PCDHGA12: variants seen among roughly 807,000 people sequenced by gnomAD.
PCDHGA12 encodes protocadherin gamma-A12.
In PCDHGA12, 43 loss-of-function variants were observed where a neutral mutation model predicts 61.1. That is an observed-to-expected ratio of 0.70 (90% CI 0.55 to 0.91). The LOEUF is 0.91. Ranked by LOEUF, PCDHGA12 falls within the 40% of genes least tolerant of loss-of-function variation. PCDHGA12 has a pLI of 0.00. For synonymous variants in PCDHGA12, 520 were observed against 542.9 expected, an observed-to-expected ratio of 0.96 and a Z score of 0.59; for missense variants, 1,236 against 1,227.7, an observed-to-expected ratio of 1.01 and a Z score of -0.10.
chr5:141,437,651 CAT>C (rs1255783396), intron 1 of PCDHGA12, among the ~76,000 whole-genome samples: 2 of 151,990 alleles, frequency 1.3e-5, no homozygotes, highest in Non-Finnish European at 2.9e-5. Context: ...AAAGCAAACA[CAT>C]AGTTTCGAAG....
intron 2 of PCDHGA12, among the ~76,000 whole-genome samples, chr5:141,496,557 C>T (rs190275684): frequency 2.0e-5 from 3 of 152,258 alleles, no homozygotes; most frequent in Admixed American, 1.3e-4. Flanking sequence ...TGGGCATGCA[C>T]AGTCCTGTCA....
At chr5:141,451,127 CT>C (rs1264048458) in intron 1 of PCDHGA12, among the ~76,000 whole-genome samples, 1 of 152,132 alleles carries the variant, frequency 6.6e-6, no homozygotes, top group Non-Finnish European at 1.5e-5. Context: ...CACACCCAGC[CT>C]TATGATTGTA....
intron 2 of PCDHGA12, among the ~76,000 whole-genome samples, chr5:141,502,165 T>C (rs1017904375): frequency 1.8e-4 from 28 of 152,196 alleles, no homozygotes; most frequent in African/African-American, 6.3e-4. Context: ...AGATATTCAG[T>C]TGAGGAATTT....
intron 3 of PCDHGA12, 46 bp downstream of exon 3, chr5:141,505,527 T>C: frequency 6.2e-7 from 1 of 1,612,388 alleles, no homozygotes; most frequent in Non-Finnish European, 8.5e-7. Context: ...GACCTGGGGT[T>C]CTGGGGTGCA....
At chr5:141,433,699 T>C (rs2097645911) in intron 1 of PCDHGA12, among the ~76,000 whole-genome samples, 1 of 152,082 alleles carries the variant, frequency 6.6e-6, no homozygotes, top group Non-Finnish European at 1.5e-5. Flanking sequence ...TAGCCGGGCG[T>C]GGTGGTGCAT....
chr5:141,492,224 T>C (rs2099738444), intron 1 of PCDHGA12, among the ~76,000 whole-genome samples: 1 of 152,134 alleles, frequency 6.6e-6, no homozygotes, highest in South Asian at 2.1e-4. Flanking sequence ...CTCATGCGTG[T>C]CCTCCCTGCT....
chr5:141,460,075 C>T (rs2098981644), intron 1 of PCDHGA12, among the ~76,000 whole-genome samples: 2 of 151,896 alleles, frequency 1.3e-5, no homozygotes, highest in East Asian at 1.9e-4. Context: ...GAGACTTCAT[C>T]TAAAAAATAA....
intron 1 of PCDHGA12, among the ~76,000 whole-genome samples, chr5:141,460,365 A>G (rs887924740): frequency 6.6e-6 from 1 of 152,180 alleles, no homozygotes; most frequent in African/African-American, 2.4e-5. Context: ...TAGAAGTTTT[A>G]TAGTTTTACC....
At chr5:141,500,326 A>T (rs1041431019) in intron 2 of PCDHGA12, among the ~76,000 whole-genome samples, 7 of 152,022 alleles carry the variant, frequency 4.6e-5, no homozygotes, top group Non-Finnish European at 1.0e-4. Context: ...CTCCTGCCTC[A>T]GCCTCCAGAA....
At position 141,486,315 on chromosome 5, in the gene PCDHGA12, C is replaced by T. The variant is rs1432435944; in HGVS notation, c.2425-8492C>T. The T allele has an allele frequency of 6.2e-7, 1 of 1,614,066 alleles. No individual in the cohort carries two copies. Among genetic ancestry groups the T allele is most frequent in the East Asian group, 2.2e-5 (1 of 44,862 alleles). ...AGTGTGCAGGATCCAGACTCAGGGT[C>T]AAACGGAGATGTGAGCCTCCGCATT... On this transcript the variant is annotated intron_variant, in intron 1 of 3. Transcript: ENST00000252085. The surrounding 1 kb of genome is among the most constrained non-coding windows in gnomAD (Gnocchi z 5.0).
Position 141,432,846 on chromosome 5 carries a change from C to T in PCDHGA12, c.2087C>T (p.Ala696Val), listed in dbSNP as rs1312403897. ...TSDLTLYLVV[A>V]VAAVSCVFLA... ...GACCTCACTCTGTACCTGGTGGTAGCGGTGGCCGCGGTCTCCTGCGTCTTC... is the reference window on the plus strand; with the variant it reads ...GACCTCACTCTGTACCTGGTGGTAGTGGTGGCCGCGGTCTCCTGCGTCTTC... The change falls in exon 1 of 4, where the codon GCG becomes GTG. Residue 696 changes from alanine (A) to valine (V), a missense_variant. By Grantham distance (64) the Ala-to-Val change is moderately conservative. Transcript: ENST00000252085. The surrounding 1 kb of genome is among the most constrained non-coding windows in gnomAD (Gnocchi z 6.0). 2.5e-6 allele frequency: 4 copies of T among 1,614,192 alleles called. No homozygotes were observed. The African/African-American group carries it at 5.3e-5, about 22-fold the overall frequency.
chr5:141,445,034 A>T (rs963629240), intron 1 of PCDHGA12, among the ~76,000 whole-genome samples: 4 of 152,156 alleles, frequency 2.6e-5, no homozygotes, highest in Admixed American at 2.0e-4. Context: ...GCTATGTTGT[A>T]TAGTTTTCAG....
chr5:141,491,414 G>T lies in PCDHGA12; in HGVS notation c.2425-3393G>T, dbSNP rs137987971. ...CTTCAGGGAAACGCAGACGGGGACGGGGGTGGAGGGCAGTGCTGCAGGCGC... is the reference window on the plus strand; with the variant it reads ...CTTCAGGGAAACGCAGACGGGGACGTGGGTGGAGGGCAGTGCTGCAGGCGC... On this transcript the variant is annotated intron_variant, in intron 1 of 3. Coordinates refer to ENST00000252085, the MANE Select transcript of PCDHGA12 (RefSeq NM_003735.3). The surrounding 1 kb of genome is among the most constrained non-coding windows in gnomAD (Gnocchi z 6.9). 1.9e-6 allele frequency: 3 copies of T among 1,614,008 alleles called. No homozygotes were observed. Among genetic ancestry groups the T allele is most frequent in the Non-Finnish European group, 2.5e-6 (3 of 1,180,030 alleles).
intron 1 of PCDHGA12, among the ~76,000 whole-genome samples, chr5:141,480,730 G>T (rs1261461187): frequency 6.6e-6 from 1 of 152,168 alleles, no homozygotes; most frequent in Non-Finnish European, 1.5e-5. Flanking sequence ...GTCTCTGGGG[G>T]TGGGACATAG....
chr5:141,485,601 G>T lies in PCDHGA12; in HGVS notation c.2425-9206G>T, dbSNP rs762783104. On this transcript the variant is annotated intron_variant, in intron 1 of 3. Transcript: ENST00000252085. The surrounding 1 kb of genome is among the most constrained non-coding windows in gnomAD (Gnocchi z 5.7). ...CGGCAGCAGCTGGACTTGGAAATTG[G>T]GGAGGCAGCTCCTCCAGGACAGCGT... The T allele has an allele frequency of 3.1e-6, 5 of 1,612,290 alleles. No individual in the cohort carries two copies. Among genetic ancestry groups the T allele is most frequent in the Non-Finnish European group, 4.2e-6 (5 of 1,178,722 alleles).
In PCDHGA12 at chr5:141,477,815, G is replaced by C; in HGVS notation, c.2425-16992G>C. On this transcript the variant is annotated intron_variant, in intron 1 of 3. Coordinates refer to ENST00000252085, the MANE Select transcript of PCDHGA12 (RefSeq NM_003735.3). The surrounding 1 kb of genome is among the most constrained non-coding windows in gnomAD (Gnocchi z 4.9). ...TGATCGCAATGACAATGCCCCCCAG[G>C]TCCTATATCCTCGGCCAGGTGGGAG... 1 of 1,614,106 alleles carries C rather than the reference G, an allele frequency of 6.2e-7. No homozygotes were observed. Among genetic ancestry groups the C allele is most frequent in the Non-Finnish European group, 8.5e-7 (1 of 1,180,034 alleles).
rs200900873 is a variant in PCDHGA12 at position 141,510,902 on chromosome 5, G to A, written c.2573-45G>A. On this transcript the variant is annotated intron_variant, in intron 3 of 3. Transcript: ENST00000252085. ...GGGGATATAAGACAGTGACTGTTGAGGACCCTAAGTTTAGCTCCCACCTGA... is the reference window on the plus strand; with the variant it reads ...GGGGATATAAGACAGTGACTGTTGAAGACCCTAAGTTTAGCTCCCACCTGA... The A allele has an allele frequency of 1.5e-3, 2,449 of 1,613,462 alleles. 7 individuals carry two copies. The highest frequency in any genetic ancestry group is 1.9e-3 in the Non-Finnish European group (2,206 of 1,179,758).
In PCDHGA12 at chr5:141,505,414, C is replaced by T. The variant is rs373956550; in HGVS notation, c.2505C>T (p.Thr835=). The T allele has an allele frequency of 3.0e-5, 48 of 1,614,046 alleles. No homozygotes were observed. In the African/African-American group the frequency reaches 3.1e-4, roughly 10 times the overall value. The change falls in exon 3 of 4, where the codon ACC becomes ACT. Residue 835 remains threonine (T), a synonymous_variant. Transcript: ENST00000252085. ...CCAGCTCCCAAAATGGCGATGACACCGGCACCTGGCCCAACAACCAGTTTG... is the reference window on the plus strand; with the variant it reads ...CCAGCTCCCAAAATGGCGATGACACTGGCACCTGGCCCAACAACCAGTTTG... ...GTSGSQNGDD[T]GTWPNNQFDT...
intron 1 of PCDHGA12, among the ~76,000 whole-genome samples, chr5:141,452,815 A>G (rs1199990390): frequency 6.6e-6 from 1 of 152,186 alleles, no homozygotes; most frequent in Admixed American, 6.5e-5. Flanking sequence ...TTTGTTCATA[A>G]GAAGCAAAAT....
Sources: allele counts gnomAD v4.1 joint callset (sites outside exome capture counted in the v4.1 genomes callset), GRCh38; gene constraint gnomAD v4.1.1; non-coding constraint Gnocchi (gnomAD v3.1); transcripts MANE v1.5; gene names NCBI Gene and HGNC (gene_info 2026-07-23, HGNC 2026-07-21).